Variants in FLNB observed in about 807,000 individuals in gnomAD.
FLNB encodes filamin-B.
In FLNB, 111 loss-of-function variants were observed where a neutral mutation model predicts 250.6. That is an observed-to-expected ratio of 0.44 (90% CI 0.38 to 0.52). The LOEUF is 0.52. Among genes scored for constraint, FLNB ranks in the 20% least tolerant of loss-of-function variants. The pLI is 0.00. For synonymous variants in FLNB, 1,302 were observed against 1,372.1 expected, an observed-to-expected ratio of 0.95 and a Z score of 1.13; for missense variants, 2,869 against 3,447.8, an observed-to-expected ratio of 0.83 and a Z score of 4.20.
chr3:58,110,448 TA>T (rs1043302260), intron 16 of FLNB, among the ~76,000 whole-genome samples: 1 of 140,546 alleles, frequency 7.1e-6, no homozygotes, highest in African/African-American at 2.5e-5. Context: ...AATTTGTTTT[TA>T]TTTTTTTATT....
At chr3:58,041,296 C>G (rs1170939479) in intron 1 of FLNB, among the ~76,000 whole-genome samples, 3 of 152,154 alleles carry the variant, frequency 2.0e-5, no homozygotes, top group African/African-American at 7.2e-5. Context: ...CAGATTATTC[C>G]CATTTATGAG....
chr3:58,021,729 A>G (rs2097114329), intron 1 of FLNB, among the ~76,000 whole-genome samples: 1 of 152,030 alleles, frequency 6.6e-6, no homozygotes, highest in Non-Finnish European at 1.5e-5. Flanking sequence ...GTCACACCCA[A>G]AGTTGGGCAT....
At chr3:58,109,958 A>G in intron 15 of FLNB, 52 bp from the exon 16 acceptor site, 1 of 1,606,364 alleles carries the variant, frequency 6.2e-7, no homozygotes, top group African/African-American at 1.3e-5. Flanking sequence ...AAGAGATTGC[A>G]CAGGACATGC....
chr3:58,036,967 C>T (rs1351630204), intron 1 of FLNB, among the ~76,000 whole-genome samples: 1 of 152,102 alleles, frequency 6.6e-6, no homozygotes, highest in East Asian at 1.9e-4. Context: ...TCAAATAGCA[C>T]CCCGGCTATA....
chr3:58,033,338 ATCAG>A (rs1379845171), intron 1 of FLNB, among the ~76,000 whole-genome samples: 2 of 151,218 alleles, frequency 1.3e-5, no homozygotes, highest in Non-Finnish European at 2.9e-5. Context: ...TTCTGTCATT[ATCAG>A]TCAGTTTTCA....
At chr3:58,009,377 C>G (rs2097095050) in intron 1 of FLNB, among the ~76,000 whole-genome samples, 2 of 152,148 alleles carry the variant, frequency 1.3e-5, no homozygotes, top group Admixed American at 1.3e-4. Context: ...GAGACAGAGA[C>G]CTGGTACCTT....
At chr3:58,011,486 A>G (rs899006994) in intron 1 of FLNB, among the ~76,000 whole-genome samples, 11 of 152,166 alleles carry the variant, frequency 7.2e-5, no homozygotes, top group Non-Finnish European at 1.2e-4. Flanking sequence ...TCTTGCAACA[A>G]ACAGGTTTTC....
At chr3:58,154,675 A>G in intron 39 of FLNB, 116 bp from the exon 40 acceptor site, 1 of 1,135,496 alleles carries the variant, frequency 8.8e-7, no homozygotes, top group Non-Finnish European at 1.3e-6. Context: ...GGGGTTGGAG[A>G]AAGAGGAAAG....
chr3:58,019,634 G>T (rs1372282521), intron 1 of FLNB, among the ~76,000 whole-genome samples: 1 of 152,104 alleles, frequency 6.6e-6, no homozygotes, highest in Non-Finnish European at 1.5e-5. Flanking sequence ...TAGATATATT[G>T]TAGTGAGAGG....
intron 1 of FLNB, among the ~76,000 whole-genome samples, chr3:58,022,827 T>C (rs2097115950): frequency 6.6e-6 from 1 of 152,122 alleles, no homozygotes; most frequent in Admixed American, 6.6e-5. Flanking sequence ...TGCTTCTTTT[T>C]TTTTTTTTGA....
chr3:58,149,558 T>C (rs773547483), intron 36 of FLNB: 24 of 473,066 alleles, frequency 5.1e-5, no homozygotes, highest in African/African-American at 1.2e-4. Context: ...GGGCAGAAGG[T>C]CCTCCCCAGC....
At chr3:58,124,853 G>GAA (rs11437124) in intron 22 of FLNB, among the ~76,000 whole-genome samples, 4 of 151,804 alleles carry the variant, frequency 2.6e-5, no homozygotes, top group Admixed American at 2.6e-4. Flanking sequence ...AAACCATAAA[G>GAA]AAAAAAAAGT....
chr3:58,139,211 C>T (rs1047192610), intron 29 of FLNB, among the ~76,000 whole-genome samples: 3 of 152,066 alleles, frequency 2.0e-5, no homozygotes, highest in Admixed American at 6.6e-5. Flanking sequence ...ATTCTTCAAC[C>T]AGGAAAAGGG....
At chr3:58,012,717 C>A (rs567695492) in intron 1 of FLNB, among the ~76,000 whole-genome samples, 1 of 152,292 alleles carries the variant, frequency 6.6e-6, no homozygotes, top group East Asian at 1.9e-4. Flanking sequence ...TTGTGTTTTC[C>A]TCATTGTGTT....
intron 4 of FLNB, among the ~76,000 whole-genome samples, chr3:58,091,766 T>C (rs993998009): frequency 6.6e-6 from 1 of 152,178 alleles, no homozygotes; most frequent in Non-Finnish European, 1.5e-5. Context: ...CATTGAAGGG[T>C]GCACTCCTGG....
intron 20 of FLNB, among the ~76,000 whole-genome samples, 173 bp from the exon 21 acceptor site, chr3:58,122,919 GC>G (rs1475665729): frequency 6.6e-6 from 1 of 152,200 alleles, no homozygotes; most frequent in African/African-American, 2.4e-5. Context: ...TGAGGCATTT[GC>G]TGCATTGACT....
At position 58,126,774 on chromosome 3, in the gene FLNB, C is replaced by T; in HGVS notation, c.4222+12C>T. On this transcript the variant is annotated intron_variant, in intron 24 of 45. Coordinates refer to ENST00000295956, the MANE Select transcript of FLNB (RefSeq NM_001457.4). Reference sequence around the variant, plus strand: ...AGCCCACATCCCCGGTGAGCTATTCCTCAGAGAGGACCCCAGAGAATAATT... The same window carrying T: ...AGCCCACATCCCCGGTGAGCTATTCTTCAGAGAGGACCCCAGAGAATAATT... The T allele has an allele frequency of 2.5e-6, 4 of 1,611,704 alleles. No individual in the cohort carries two copies. Among genetic ancestry groups the T allele is most frequent in the Non-Finnish European group, 3.4e-6 (4 of 1,178,074 alleles).
intron 1 of FLNB, among the ~76,000 whole-genome samples, chr3:58,026,241 G>A (rs562987431): frequency 3.3e-5 from 5 of 152,310 alleles, no homozygotes; most frequent in Admixed American, 2.0e-4. Flanking sequence ...TGTGCTGACT[G>A]CCTTGTGTGC....
At chr3:58,149,215 C>G (rs1182672459) in intron 36 of FLNB, 1 of 338,632 alleles carries the variant, frequency 3.0e-6, no homozygotes, top group African/African-American at 2.1e-5. Context: ...AGACCATGGT[C>G]ATCTGAGCAG....
Sources: allele counts gnomAD v4.1 joint callset (sites outside exome capture counted in the v4.1 genomes callset), GRCh38; gene constraint gnomAD v4.1.1; transcripts MANE v1.5; gene names NCBI Gene and HGNC (gene_info 2026-07-23, HGNC 2026-07-21).